Variants in ADGRG3 observed in about 807,000 individuals in gnomAD.
ADGRG3 encodes adhesion G protein-coupled receptor G3.
In ADGRG3, 39 loss-of-function variants were observed where a neutral mutation model predicts 54.3. The ratio of observed to expected loss-of-function variants is 0.72; its 90% CI spans 0.56 to 0.94. The LOEUF is 0.94. Among genes scored for constraint, ADGRG3 ranks in the 40% least tolerant of loss-of-function variants. The probability of loss-of-function intolerance (pLI) is 0.00; values close to 1 mark genes in which losing one functional copy is unlikely to be tolerated. For synonymous variants in ADGRG3, 312 were observed against 290.0 expected, an observed-to-expected ratio of 1.08 and a Z score of -0.77; for missense variants, 654 against 694.6, an observed-to-expected ratio of 0.94 and a Z score of 0.66.
intron 8 of ADGRG3, among the ~76,000 whole-genome samples, chr16:57,681,599 G>A (rs1284215029): frequency 1.7e-4 from 26 of 151,864 alleles, no homozygotes; most frequent in Admixed American, 9.8e-4. Context: ...GGTGGTGCGC[G>A]CCTGTAATCC....
intron 2 of ADGRG3, among the ~76,000 whole-genome samples, chr16:57,675,306 C>A (rs1195100860): frequency 1.3e-5 from 2 of 151,846 alleles, no homozygotes; most frequent in African/African-American, 4.8e-5. Flanking sequence ...GAGTGAGACA[C>A]CGACTCTACA....
At chr16:57,686,035 C>G (rs1227699132) in intron 11 of ADGRG3, 109 bp downstream of exon 11, 5 of 1,147,032 alleles carry the variant, frequency 4.4e-6, no homozygotes, top group Non-Finnish European at 6.3e-6. Context: ...TTCAGGCTAG[C>G]TGAAGTCAAG....
chr16:57,688,327 C>A, intron 11 of ADGRG3, 25 bp from the exon 12 acceptor site: 1 of 1,475,642 alleles, frequency 6.8e-7, no homozygotes, highest in Non-Finnish European at 9.5e-7. Context: ...TTTCCAGGCT[C>A]ACCGAGGCCT....
At position 57,683,959 on chromosome 16, in the gene ADGRG3, A is replaced by C. The variant is rs537679136; in HGVS notation, c.909A>C (p.Glu303Asp). The change falls in exon 9 of 12, where the codon GAA becomes GAC. Residue 303 changes from glutamate to aspartate, a missense_variant. By Grantham distance (45) the Glu-to-Asp change is conservative (BLOSUM62 2). Coordinates refer to ENST00000333493, the MANE Select transcript of ADGRG3 (RefSeq NM_170776.5). ...TTTCCCGGGAGAGGTTCAAGTCAGAAGATGCCCCAAAGATCCACGTGGCCC... is the reference window on the plus strand; with the variant it reads ...TTTCCCGGGAGAGGTTCAAGTCAGACGATGCCCCAAAGATCCACGTGGCCC... ...LRLSRERFKSEDAPKIHVALG... is the reference protein window; with the variant it reads ...LRLSRERFKSDDAPKIHVALG... 40 of 1,576,054 alleles carry C rather than the reference A, an allele frequency of 2.5e-5. No individual in the cohort carries two copies. The highest frequency in any genetic ancestry group is 1.2e-4 in the Admixed American group (7 of 56,716).
In ADGRG3 at chr16:57,680,328, G is replaced by A. The variant is rs765782122; in HGVS notation, c.731G>A (p.Cys244Tyr). ...STEVRPEGTVCCCDHLTFFAL... is the reference protein window; with the variant it reads ...STEVRPEGTVYCCDHLTFFAL... ...GAGGTCAGACCTGAGGGGACCGTGT[G>A]CTGCTGTGACCACCTGACCTTTTTC... The change falls in exon 7 of 12, where the codon TGC (cysteine) becomes TAC (tyrosine). Residue 244 changes from cysteine to tyrosine, a missense_variant. By Grantham distance (194) the Cys-to-Tyr change is radical (BLOSUM62 -2). Transcript: ENST00000333493. 3 of 1,612,892 alleles carry A rather than the reference G, an allele frequency of 1.9e-6. No homozygotes were observed. The highest frequency in any genetic ancestry group is 1.1e-5 in the South Asian group (1 of 90,998).
rs779636530 is a variant in ADGRG3 at position 57,685,796 on chromosome 16, G to A, written c.1410G>A (p.Gly470=). The change falls in exon 11 of 12, where the codon GGG becomes GGA. Residue 470 remains glycine (G), a synonymous_variant. Coordinates refer to ENST00000333493, the MANE Select transcript of ADGRG3 (RefSeq NM_170776.5). ...LSRATAVKER[G]KNRKKVLTLL... is the part of the protein sequence containing the mutation. ...GTGCTACAGCGGTCAAGGAGCGGGG[G>A]AAGAACCGGAAGAAGGTGCTCACCC... 7 of 1,614,214 alleles carry A rather than the reference G, an allele frequency of 4.3e-6. No individual in the cohort carries two copies. The highest frequency in any genetic ancestry group is 4.2e-6 in the Non-Finnish European group (5 of 1,180,036).
chr16:57,671,172 A>G (rs58226740), intron 1 of ADGRG3, among the ~76,000 whole-genome samples: 8,064 of 152,240 alleles, frequency 0.053, 473 homozygotes, highest in African/African-American at 0.15. Context: ...TCAGACTAGC[A>G]AAAATCCAAA....
chr16:57,681,600 C>G (rs768685110), intron 8 of ADGRG3, among the ~76,000 whole-genome samples: 3 of 151,814 alleles, frequency 2.0e-5, no homozygotes, highest in Non-Finnish European at 2.9e-5. Context: ...GTGGTGCGCG[C>G]CTGTAATCCC....
intron 2 of ADGRG3, 28 bp from the exon 3 acceptor site, chr16:57,676,172 C>A (rs781519756): frequency 6.2e-7 from 1 of 1,609,972 alleles, no homozygotes; most frequent in Non-Finnish European, 8.5e-7. Flanking sequence ...CAGGATCCTA[C>A]CCTCCCCCCA....
chr16:57,678,794 C>T (rs1443812056), intron 4 of ADGRG3: 3 of 330,526 alleles, frequency 9.1e-6, no homozygotes, highest in Non-Finnish European at 1.7e-5. Flanking sequence ...GTGCTCCCCC[C>T]ACCAGCCTCC....
In ADGRG3 at chr16:57,680,597, T is replaced by C; in HGVS notation, c.861T>C (p.Ile287=). The change falls in exon 8 of 12, where the codon ATT becomes ATC. Residue 287 remains isoleucine, a synonymous_variant. Coordinates refer to ENST00000333493, the MANE Select transcript of ADGRG3 (RefSeq NM_170776.5). ...GVSMIFLAFT[I]ILYAFLRLSR... is the part of the protein sequence containing the mutation. The stretch of plus-strand genomic sequence containing the variant: ...CCATGATCTTCCTGGCCTTCACCAT[T>C]ATTCTTTATGCCTTTCTGAGGTGAG... 1.9e-6 allele frequency: 3 copies of C among 1,612,610 alleles called. No individual in the cohort carries two copies. The highest frequency in any genetic ancestry group is 2.5e-6 in the Non-Finnish European group (3 of 1,178,730).
chr16:57,688,455 A>G lies in ADGRG3; in HGVS notation c.1644A>G (p.Gln548=), dbSNP rs1438793273. Residue 548 remains glutamine (Q), a synonymous_variant, in exon 12 of 12, where the codon CAA becomes CAG. Transcript: ENST00000333493. ...TGGACCAGGCCCACTCCGCATCTCA[A>G]GAATAGGAAGGCACGGCCCTGCAAT... The part of the protein sequence containing the change: ...ARLDQAHSAS[Q]E 6.3e-7 allele frequency: 1 copy of G among 1,584,438 alleles called. No individual in the cohort carries two copies. The highest frequency in any genetic ancestry group is 2.2e-5 in the East Asian group (1 of 44,744).
rs118143212 is a variant in ADGRG3, at chr16:57,678,761, C to T, written c.493-416C>T. 55 of 317,850 alleles carry T rather than the reference C, an allele frequency of 1.7e-4. No individual in the cohort carries two copies. The East Asian group carries it at 2.7e-3, about 16-fold the overall frequency. The allele number at this position is 317,850 out of a possible 1,614,324, so 19.7% of individuals were successfully genotyped here. A position where few individuals can be genotyped will look rare whatever the true frequency, so the allele number is the denominator to read the frequency against. The stretch of plus-strand genomic sequence containing the variant: ...AGGTGTGCATCCACTCCTGTGCAGA[C>T]GTGTGTACCCCTGAGGGCTAGTGTG... On this transcript the variant is annotated intron_variant, in intron 4 of 11. Transcript: ENST00000333493.
chr16:57,680,749 A>C, intron 8 of ADGRG3, 132 bp downstream of exon 8: 2 of 654,008 alleles, frequency 3.1e-6, no homozygotes, highest in Non-Finnish European at 5.5e-6. Flanking sequence ...CTCATCCCAA[A>C]ATGGGGTTGG....
chr16:57,674,963 T>C (rs1353791345), intron 2 of ADGRG3, among the ~76,000 whole-genome samples: 3 of 120,706 alleles, frequency 2.5e-5, no homozygotes, highest in South Asian at 2.8e-4. Context: ...TCCACTGCAC[T>C]CCAGCCTGGG....
Position 57,679,958 on chromosome 16 carries a change from C to T in ADGRG3, c.667+103C>T. ...ACTGGCTGAGTCCCTCCCCTGCCTTCCTCTCCCCTCCCCTCCCCTCCTCTT... is the reference window on the plus strand; with the variant it reads ...ACTGGCTGAGTCCCTCCCCTGCCTTTCTCTCCCCTCCCCTCCCCTCCTCTT... On this transcript the variant is annotated intron_variant, in intron 6 of 11. Coordinates refer to ENST00000333493, the MANE Select transcript of ADGRG3 (RefSeq NM_170776.5). 3.4e-6 allele frequency: 3 copies of T among 879,306 alleles called. No homozygotes were observed. The South Asian group carries it at 4.0e-5, about 12-fold the overall frequency. 54.5% of individuals were successfully genotyped at this position (879,306 alleles called of 1,614,324 possible).
At chr16:57,668,441 T>A in intron 1 of ADGRG3, 36 bp downstream of exon 1, 2 of 1,533,412 alleles carry the variant, frequency 1.3e-6, no homozygotes, top group Non-Finnish European at 1.8e-6. Context: ...CCTGCCACGC[T>A]GGGCCGACCC....
At chr16:57,679,353 C>G in intron 5 of ADGRG3, 42 bp downstream of exon 5, 2 of 1,609,310 alleles carry the variant, frequency 1.2e-6, no homozygotes, top group South Asian at 2.2e-5. Context: ...GCAGGGCAGA[C>G]AGGCGAGTGG....
At chr16:57,678,122 G>C (rs768282753) in intron 3 of ADGRG3, 48 bp from the exon 4 acceptor site, 1 of 1,599,484 alleles carries the variant, frequency 6.3e-7, no homozygotes, top group South Asian at 1.1e-5. Context: ...GGCAGGACTC[G>C]TGTTGGGGGG....
Sources: allele counts gnomAD v4.1 joint callset (sites outside exome capture counted in the v4.1 genomes callset), GRCh38; gene constraint gnomAD v4.1.1; transcripts MANE v1.5; gene names NCBI Gene and HGNC (gene_info 2026-07-23, HGNC 2026-07-21).